EFNA5: variants seen among roughly 807,000 people sequenced by gnomAD.
The protein encoded by EFNA5 is ephrin-A5.
A neutral mutation model predicts 22.9 loss-of-function variants in EFNA5; 5 were observed. The observed-to-expected ratio is 0.22, with a 90% confidence interval of 0.11 to 0.46. EFNA5 has a LOEUF of 0.46. EFNA5 is among the 20% of genes least tolerant of loss of function. EFNA5 has a pLI of 0.99. For synonymous variants in EFNA5, 113 were observed against 112.2 expected (o/e 1.01, Z -0.04); for missense variants, 237 against 293.3 (o/e 0.81, Z 1.40).
At chr5:107,404,562 C>T (rs1748161287) in intron 2 of EFNA5, among the ~76,000 whole-genome samples, 2 of 152,012 alleles carry the variant, frequency 1.3e-5, no homozygotes, top group South Asian at 2.1e-4. Flanking sequence ...CACATTTCTT[C>T]GAGGCAGGTA....
chr5:107,610,375 C>G (rs1749802942), intron 1 of EFNA5, among the ~76,000 whole-genome samples: 1 of 152,218 alleles, frequency 6.6e-6, no homozygotes, highest in South Asian at 2.1e-4. Context: ...TGAAGAAGTT[C>G]CACAGCCTGG....
In EFNA5 at chr5:107,459,705, C is replaced by T. The variant is rs547064208; in HGVS notation, c.126-32196G>A. ...TCCACAGGAGTGGAAGGAAAGTGGTCAGAATTGAGTTGTCACGCAATGGCA... is the reference window on the plus strand; with the variant it reads ...TCCACAGGAGTGGAAGGAAAGTGGTTAGAATTGAGTTGTCACGCAATGGCA... On this transcript the variant is annotated intron_variant, in intron 1 of 4. Coordinates refer to ENST00000333274, the MANE Select transcript of EFNA5 (RefSeq NM_001962.3). Among the ~76,000 whole-genome samples the T allele has an allele frequency of 3.3e-5, 5 of 152,200 alleles. No individual in the cohort carries two copies. In the South Asian group the frequency reaches 8.3e-4, roughly 25 times the overall value.
At chr5:107,386,513 T>C (rs1747629032) in intron 4 of EFNA5, among the ~76,000 whole-genome samples, 1 of 152,238 alleles carries the variant, frequency 6.6e-6, no homozygotes, top group South Asian at 2.1e-4. Context: ...TATTTTTCTT[T>C]AGTTATGGGA....
In EFNA5 at chr5:107,660,696, A is replaced by G. The variant is rs368518908; in HGVS notation, c.125+9793T>C. ...TTCTCTGATGTTTAATTTGTTTTAT[A>G]CAGTATTTAAAATAAAGTATCCCAA... On this transcript the variant is annotated intron_variant, in intron 1 of 4. Transcript: ENST00000333274. Among the ~76,000 whole-genome samples the G allele has an allele frequency of 5.3e-4, 81 of 152,260 alleles. No individual in the cohort carries two copies. In the South Asian group the frequency reaches 0.015, roughly 28 times the overall value.
intron 1 of EFNA5, among the ~76,000 whole-genome samples, chr5:107,631,216 T>A (rs73200640): frequency 0.038 from 5,842 of 151,774 alleles, 400 homozygotes; most frequent in African/African-American, 0.14. Flanking sequence ...AATGTAGTCC[T>A]TTGTTGACTA....
chr5:107,589,254 CTATT>C (rs1433556990), intron 1 of EFNA5, among the ~76,000 whole-genome samples: 1 of 152,192 alleles, frequency 6.6e-6, no homozygotes, highest in Non-Finnish European at 1.5e-5. Flanking sequence ...CATAAGCAAT[CTATT>C]TAACTTGCTC....
chr5:107,403,864 A>T (rs1426438262), intron 2 of EFNA5, among the ~76,000 whole-genome samples: 4 of 152,220 alleles, frequency 2.6e-5, no homozygotes, highest in African/African-American at 4.8e-5. Flanking sequence ...GTGCAGAGCT[A>T]TTTTAAAAGG....
At chr5:107,476,453 G>A (rs990650262) in intron 1 of EFNA5, among the ~76,000 whole-genome samples, 4 of 152,230 alleles carry the variant, frequency 2.6e-5, no homozygotes, top group East Asian at 1.9e-4. Context: ...ACCCAGAGCT[G>A]TTCAAGTGAT....
rs1747428610 is a variant in EFNA5, at chr5:107,380,712, A to G, written c.*543T>C. The G allele has an allele frequency of 2.5e-6, 1 of 398,358 alleles. No homozygotes were observed. Among genetic ancestry groups the G allele is most frequent in the Non-Finnish European group, 4.4e-6 (1 of 226,068 alleles). The allele number at this position is 398,358 out of a possible 1,614,324, so 24.7% of individuals were successfully genotyped here. A position where few individuals can be genotyped will look rare whatever the true frequency, so the allele number is the denominator to read the frequency against. ...GTTCATTTACATACTCCTATAGGAAATGGTGTAATATCGTATCTATTCTTA... is the reference window on the plus strand; with the variant it reads ...GTTCATTTACATACTCCTATAGGAAGTGGTGTAATATCGTATCTATTCTTA... On this transcript the variant is annotated 3_prime_UTR_variant, in exon 5 of 5. Transcript: ENST00000333274.
At chr5:107,506,204 A>G (rs1342747413) in intron 1 of EFNA5, 1 of 152,204 alleles carries the variant, frequency 6.6e-6, no homozygotes, top group Non-Finnish European at 1.5e-5. Flanking sequence ...GTCCATCAAG[A>G]TATCTTGTAC....
At chr5:107,465,103 T>C (rs1437539748) in intron 1 of EFNA5, among the ~76,000 whole-genome samples, 4 of 151,720 alleles carry the variant, frequency 2.6e-5, no homozygotes, top group Admixed American at 2.0e-4. Context: ...AAGGGAAGTT[T>C]CCGAACCACT....
At chr5:107,528,337 G>A (rs1318006760) in intron 1 of EFNA5, among the ~76,000 whole-genome samples, 1 of 152,090 alleles carries the variant, frequency 6.6e-6, no homozygotes. Context: ...CTTTTACAAA[G>A]CTACAGACAC....
intron 1 of EFNA5, among the ~76,000 whole-genome samples, chr5:107,540,968 A>T (rs1453317467): frequency 1.3e-5 from 2 of 152,058 alleles, no homozygotes; most frequent in Non-Finnish European, 2.9e-5. Flanking sequence ...TTAGCCGGGC[A>T]TGGTGGCGTG....
At chr5:107,642,726 G>T (rs1406280857) in intron 1 of EFNA5, among the ~76,000 whole-genome samples, 5 of 152,142 alleles carry the variant, frequency 3.3e-5, no homozygotes, top group Admixed American at 3.3e-4. Flanking sequence ...TCGCAAAATG[G>T]AGAGAAAGAA....
intron 1 of EFNA5, among the ~76,000 whole-genome samples, chr5:107,528,213 G>T (rs541955239): frequency 1.6e-4 from 24 of 152,060 alleles, no homozygotes; most frequent in African/African-American, 4.6e-4. Flanking sequence ...GTGATAACAA[G>T]AAAAAACCTC....
intron 3 of EFNA5, among the ~76,000 whole-genome samples, 179 bp from the exon 4 acceptor site, chr5:107,387,494 AAAC>A (rs762222819): frequency 3.9e-5 from 6 of 152,204 alleles, no homozygotes; most frequent in African/African-American, 7.2e-5. Flanking sequence ...ACAGTCTAAG[AAAC>A]AACAAGTTAG....
At chr5:107,480,870 T>C (rs1328153834) in intron 1 of EFNA5, among the ~76,000 whole-genome samples, 1 of 151,658 alleles carries the variant, frequency 6.6e-6, no homozygotes, top group Admixed American at 6.6e-5. Flanking sequence ...TGCCTAGAAA[T>C]GAGCAGAAGG....
intron 1 of EFNA5, among the ~76,000 whole-genome samples, chr5:107,542,156 G>A (rs1748062416): frequency 6.6e-6 from 1 of 152,066 alleles, no homozygotes; most frequent in African/African-American, 2.4e-5. Flanking sequence ...CTTTCAGGGG[G>A]AAAATAATAT....
At chr5:107,501,880 A>G (rs1011224804) in intron 1 of EFNA5, among the ~76,000 whole-genome samples, 2 of 152,240 alleles carry the variant, frequency 1.3e-5, no homozygotes, top group Admixed American at 1.3e-4. Context: ...AGATGAAAAA[A>G]GTAGTCGATC....
Sources: allele counts gnomAD v4.1 joint callset (sites outside exome capture counted in the v4.1 genomes callset), GRCh38; gene constraint gnomAD v4.1.1; transcripts MANE v1.5; gene names NCBI Gene and HGNC (gene_info 2026-07-23, HGNC 2026-07-21).